DMD: variants seen among roughly 807,000 people sequenced by gnomAD.
DMD encodes dystrophin, also known as mutant dystrophin.
In DMD, 63 loss-of-function variants were observed where a neutral mutation model predicts 330.1. The observed-to-expected ratio is 0.19, with a 90% CI of 0.16 to 0.24. The LOEUF (loss-of-function observed/expected upper bound fraction) is 0.24. Ranked by LOEUF, DMD falls within the 10% of genes least tolerant of loss-of-function variation. The probability of loss-of-function intolerance (pLI) is 1.00; values close to 1 mark genes in which losing one functional copy is unlikely to be tolerated. For missense variants in DMD, 3,344 were observed against 2,684.1 expected (o/e 1.25, Z -5.43); for synonymous variants, 1,223 against 959.8 (o/e 1.27, Z -5.07).
intron 19 of DMD, 28 bp from the exon 20 acceptor site, chrX:32,491,546 TC>T (rs1352914695): frequency 8.4e-7 from 1 of 1,184,278 alleles, no homozygotes; most frequent in Non-Finnish European, 1.1e-6. Context: ...ATTAAATATA[TC>T]CCCTGAACCC....
intron 56 of DMD, among the ~76,000 whole-genome samples, chrX:31,497,398 T>C (rs1171978717): frequency 8.9e-6 from 1 of 111,840 alleles, no homozygotes; most frequent in Admixed American, 9.5e-5. Context: ...GCCTTTTCCA[T>C]TGAGTTCTTC....
intron 49 of DMD, among the ~76,000 whole-genome samples, chrX:31,824,512 A>G (rs1010175727): frequency 2.7e-5 from 3 of 111,590 alleles, no homozygotes; most frequent in Non-Finnish European, 3.8e-5. Context: ...TGGCCTCCCA[A>G]TGTGCTGGGA....
intron 1 of DMD, among the ~76,000 whole-genome samples, chrX:33,132,883 A>G (rs2095507218): frequency 8.9e-6 from 1 of 112,124 alleles, no homozygotes; most frequent in South Asian, 3.7e-4. Flanking sequence ...TTCCACTACA[A>G]GGTGTTTACC....
intron 2 of DMD, among the ~76,000 whole-genome samples, chrX:32,960,673 A>AG (rs778867002): frequency 4.6e-4 from 51 of 111,416 alleles, no homozygotes; most frequent in African/African-American, 1.5e-3. Context: ...ATCAAAGTTC[A>AG]GTTCAGTTCA....
At chrX:32,002,237 G>T (rs1303159952) in intron 44 of DMD, among the ~76,000 whole-genome samples, 1 of 111,719 alleles carries the variant, frequency 9.0e-6, no homozygotes, top group Non-Finnish European at 1.9e-5. Context: ...AGAGCACAAA[G>T]GGAACAATTT....
intron 2 of DMD, among the ~76,000 whole-genome samples, chrX:32,971,479 A>T (rs767267386): frequency 1.3e-4 from 15 of 111,348 alleles, no homozygotes; most frequent in Non-Finnish European, 2.3e-4. Flanking sequence ...TGGAGTAAAA[A>T]TAACTTTATA....
chrX:32,566,748 T>A (rs1032753140), intron 15 of DMD, among the ~76,000 whole-genome samples: 5 of 111,995 alleles, frequency 4.5e-5, no homozygotes, highest in African/African-American at 1.6e-4. Context: ...GGGCAGTTTT[T>A]CTTTTACTTG....
At chrX:31,493,205 T>C (rs2069479475) in intron 57 of DMD, among the ~76,000 whole-genome samples, 1 of 112,064 alleles carries the variant, frequency 8.9e-6, no homozygotes, top group African/African-American at 3.2e-5. Context: ...CTAGGCACTT[T>C]GGAATGTGCT....
At chrX:33,250,085 T>TTTTATATATATATATATATATATATA (rs1484050730) in intron 1 of DMD, among the ~76,000 whole-genome samples, 7 of 75,432 alleles carry the variant, frequency 9.3e-5, no homozygotes, top group African/African-American at 5.0e-4. Context: ...AAACTATTCA[T>TTTTATATATATATATATATATATATA]TATATATATA....
chrX:32,737,077 A>G (rs2068605207), intron 7 of DMD, among the ~76,000 whole-genome samples: 1 of 110,544 alleles, frequency 9.0e-6, no homozygotes, highest in Non-Finnish European at 1.9e-5. Context: ...AAATTGTTTC[A>G]TATGTTATTA....
At chrX:32,062,176 T>C (rs1221368293) in intron 44 of DMD, among the ~76,000 whole-genome samples, 1 of 110,872 alleles carries the variant, frequency 9.0e-6, no homozygotes, top group Non-Finnish European at 1.9e-5. Context: ...TCTGGCTTCG[T>C]ATCAAGCAGT....
intron 27 of DMD, among the ~76,000 whole-genome samples, chrX:32,441,616 T>C (rs1209582294): frequency 1.8e-5 from 2 of 111,457 alleles, no homozygotes; most frequent in African/African-American, 6.5e-5. Context: ...TAAAAGCATA[T>C]GTAAAAATGC....
chrX:32,432,023 C>T (rs1166692183), intron 29 of DMD, among the ~76,000 whole-genome samples: 1 of 111,910 alleles, frequency 8.9e-6, no homozygotes, highest in Non-Finnish European at 1.9e-5. Context: ...CTGACTTAAT[C>T]ACTTGTTTGG....
Position 32,256,814 on chromosome X carries a change from C to T in DMD, c.6290+30715G>A, listed in dbSNP as rs761028567. The stretch of plus-strand genomic sequence containing the variant: ...TATGAAATTCTGGGTTGAAAATTCC[C>T]TTATTGAAGAGTGTTGAATATTGGC... On this transcript the variant is annotated intron_variant, in intron 43 of 78. Coordinates refer to ENST00000357033, the MANE Select transcript of DMD (RefSeq NM_004006.3). Among the ~76,000 whole-genome samples, 6 of 111,132 alleles carry T rather than the reference C, an allele frequency of 5.4e-5. No individual in the cohort carries two copies. The South Asian group carries it at 1.9e-3, about 35-fold the overall frequency.
At chrX:31,788,527 T>C (rs1445946086) in intron 50 of DMD, among the ~76,000 whole-genome samples, 1 of 111,573 alleles carries the variant, frequency 9.0e-6, no homozygotes, top group Non-Finnish European at 1.9e-5. Flanking sequence ...CTTGTGCACT[T>C]GATAAGAATG....
chrX:31,138,249 A>T (rs1489512631), intron 76 of DMD, among the ~76,000 whole-genome samples: 1 of 111,777 alleles, frequency 8.9e-6, no homozygotes, highest in Non-Finnish European at 1.9e-5. Flanking sequence ...CTTGGTGTCA[A>T]GTCCAGCTGA....
At chrX:31,434,412 G>GCT (rs1569541913) in intron 60 of DMD, among the ~76,000 whole-genome samples, 1 of 67,114 alleles carries the variant, frequency 1.5e-5, no homozygotes, top group African/African-American at 7.6e-5. Flanking sequence ...TTACTGCAGC[G>GCT]CGCGCGCACA....
Position 32,146,048 on chromosome X carries a change from A to G in DMD, c.6438+70868T>C, listed in dbSNP as rs186098735. Reference sequence around the variant, plus strand: ...AATAACTTACATGAAATTGCTTTGTAAGTTTTATAGGGCTGCCATGTTTTG... The same window carrying G: ...AATAACTTACATGAAATTGCTTTGTGAGTTTTATAGGGCTGCCATGTTTTG... On this transcript the variant is annotated intron_variant, in intron 44 of 78. Transcript: ENST00000357033. 5.0e-4 allele frequency among the ~76,000 whole-genome samples: 56 copies of G among 111,691 alleles called. No individual in the cohort carries two copies. In the Admixed American group the frequency reaches 5.2e-3, roughly 10 times the overall value.
chrX:31,690,604 T>C (rs929810584), intron 52 of DMD, among the ~76,000 whole-genome samples: 22 of 112,052 alleles, frequency 2.0e-4, no homozygotes, highest in Admixed American at 4.7e-4. Context: ...TTGACCCAGC[T>C]ATCCCATTAC....
Sources: gnomAD v4.1 joint callset for allele counts (sites outside exome capture counted in the v4.1 genomes callset) on GRCh38, gnomAD v4.1.1 for gene constraint, MANE v1.5 for transcripts, NCBI Gene and HGNC (gene_info 2026-07-23, HGNC 2026-07-21) for gene names.